PATJ: variants seen among roughly 807,000 people sequenced by gnomAD.
PATJ encodes the protein PATJ crumbs cell polarity complex component.
In PATJ, 190 loss-of-function variants were observed where a neutral mutation model predicts 224.9. That is an observed-to-expected ratio of 0.84 (90% CI 0.75 to 0.95). The LOEUF (loss-of-function observed/expected upper bound fraction) is 0.95, where lower values mean the gene tolerates loss of function less well. Ranked by LOEUF, PATJ falls within the 40% of genes least tolerant of loss-of-function variation. The probability of loss-of-function intolerance (pLI) is 0.00; values close to 1 mark genes in which losing one functional copy is unlikely to be tolerated. For missense variants in PATJ, 2,121 were observed against 2,270.3 expected (o/e 0.93, Z 1.34); for synonymous variants, 769 against 820.3 (o/e 0.94, Z 1.07).
chr1:62,138,464 T>C (rs865883425), intron 41 of PATJ, among the ~76,000 whole-genome samples: 2 of 152,022 alleles, frequency 1.3e-5, no homozygotes, highest in African/African-American at 4.8e-5. Flanking sequence ...TGTGCCACCA[T>C]GCCCAGCTAA....
intron 14 of PATJ, among the ~76,000 whole-genome samples, chr1:61,822,429 GAAAAAAAA>G (rs11427840): frequency 8.6e-6 from 1 of 116,646 alleles, no homozygotes; most frequent in Non-Finnish European, 1.7e-5. Flanking sequence ...GACTGTGTCA[GAAAAAAAA>G]AAAAAAAAAG....
intron 27 of PATJ, among the ~76,000 whole-genome samples, chr1:61,951,486 T>A (rs370568351): frequency 9.2e-5 from 14 of 152,250 alleles, no homozygotes; most frequent in African/African-American, 3.4e-4. Flanking sequence ...ACTGTATAAT[T>A]GGTAGATACT....
intron 31 of PATJ, among the ~76,000 whole-genome samples, chr1:62,053,224 G>A (rs1213323916): frequency 6.6e-6 from 1 of 152,148 alleles, no homozygotes; most frequent in Non-Finnish European, 1.5e-5. Context: ...AACAATTGAA[G>A]GCTTTCCCAT....
intron 32 of PATJ, 60 bp downstream of exon 32, chr1:62,079,627 T>A: frequency 1.8e-6 from 2 of 1,090,138 alleles, no homozygotes; most frequent in African/African-American, 3.1e-5. Context: ...CAAGGGATCA[T>A]AATGTCCTAA....
chr1:62,044,236 A>G (rs1013103897), intron 30 of PATJ, among the ~76,000 whole-genome samples: 1 of 152,074 alleles, frequency 6.6e-6, no homozygotes, highest in Admixed American at 6.6e-5. Flanking sequence ...CTTTAACTGA[A>G]ATTTTGCATC....
intron 27 of PATJ, among the ~76,000 whole-genome samples, chr1:61,968,876 C>G: frequency 6.6e-6 from 1 of 152,316 alleles, no homozygotes; most frequent in Middle Eastern, 3.4e-3. Context: ...TTTATAAGAA[C>G]TCCTTTTCCC....
chr1:62,015,386 T>C (rs1035007560), intron 28 of PATJ, among the ~76,000 whole-genome samples: 1 of 152,136 alleles, frequency 6.6e-6, no homozygotes, highest in African/African-American at 2.4e-5. Context: ...ATATCAAGGG[T>C]ACTCTAAATA....
intron 32 of PATJ, among the ~76,000 whole-genome samples, chr1:62,083,620 AC>A (rs781089319): frequency 1.1e-4 from 17 of 152,172 alleles, no homozygotes; most frequent in Non-Finnish European, 2.5e-4. Context: ...TTTTAAATAA[AC>A]TTTTCCTCTA....
chr1:61,895,009 G>A (rs1670162166), intron 22 of PATJ, among the ~76,000 whole-genome samples: 1 of 152,198 alleles, frequency 6.6e-6, no homozygotes, highest in Non-Finnish European at 1.5e-5. Flanking sequence ...AAAAAGACTG[G>A]CAGCATTTTG....
chr1:61,922,492 G>A (rs367713337), intron 26 of PATJ, among the ~76,000 whole-genome samples: 33 of 152,266 alleles, frequency 2.2e-4, no homozygotes, highest in African/African-American at 7.2e-4. Context: ...AACACTGCCT[G>A]GCATCATATA....
At chr1:62,048,388 A>G (rs534688922) in intron 30 of PATJ, among the ~76,000 whole-genome samples, 7 of 152,118 alleles carry the variant, frequency 4.6e-5, no homozygotes, top group African/African-American at 7.2e-5. Context: ...TCTACTAAAA[A>G]TACAAAAATT....
chr1:62,056,875 G>T (rs1570368081), intron 31 of PATJ, among the ~76,000 whole-genome samples: 1 of 152,130 alleles, frequency 6.6e-6, no homozygotes, highest in African/African-American at 2.4e-5. Context: ...GGGCTGGAGT[G>T]CAGTGGCGCT....
At chr1:61,963,552 C>T (rs998921346) in intron 27 of PATJ, among the ~76,000 whole-genome samples, 6 of 151,766 alleles carry the variant, frequency 4.0e-5, no homozygotes, top group African/African-American at 9.7e-5. Flanking sequence ...GCTGAGATTG[C>T]GCCACTGCAC....
intron 27 of PATJ, among the ~76,000 whole-genome samples, chr1:61,959,850 C>T (rs533776049): frequency 6.6e-5 from 10 of 151,922 alleles, no homozygotes; most frequent in African/African-American, 2.2e-4. Context: ...AGCCAGACTT[C>T]CATCTCTACA....
At chr1:61,942,766 G>A (rs1329986884) in intron 27 of PATJ, among the ~76,000 whole-genome samples, 5 of 151,978 alleles carry the variant, frequency 3.3e-5, no homozygotes. Context: ...GGCCAGGCTG[G>A]TGGAACTCCT....
chr1:61,770,986 T>C (rs553030257), intron 5 of PATJ, among the ~76,000 whole-genome samples: 1 of 151,946 alleles, frequency 6.6e-6, no homozygotes, highest in South Asian at 2.1e-4. Context: ...TTGGCCTCTA[T>C]TGATAAATAT....
At chr1:62,027,628 CTTTTTTTTTT>C (rs57019359) in intron 29 of PATJ, among the ~76,000 whole-genome samples, 14 of 109,840 alleles carry the variant, frequency 1.3e-4, no homozygotes, top group African/African-American at 5.1e-4. Context: ...GCCAACATTC[CTTTTTTTTTT>C]TTTTTTTTTT....
chr1:62,044,802 A>C (rs1031649418), intron 30 of PATJ, among the ~76,000 whole-genome samples: 8 of 152,228 alleles, frequency 5.3e-5, no homozygotes, highest in Non-Finnish European at 1.0e-4. Flanking sequence ...GGTTAGAAGA[A>C]AGAAATTCAG....
At chr1:62,133,854 C>T (rs1666524996) in intron 41 of PATJ, among the ~76,000 whole-genome samples, 1 of 149,162 alleles carries the variant, frequency 6.7e-6, no homozygotes, top group Non-Finnish European at 1.5e-5. Flanking sequence ...TCAAGCAATT[C>T]TCCTGCATCA....
Sources: gnomAD v4.1 joint callset for allele counts (sites outside exome capture counted in the v4.1 genomes callset) on GRCh38, gnomAD v4.1.1 for gene constraint, MANE v1.5 for transcripts, NCBI Gene and HGNC (gene_info 2026-07-23, HGNC 2026-07-21) for gene names.